The following SGMS1 variants were observed in gnomAD, a reference collection of about 807,000 sequenced individuals.
The protein encoded by SGMS1 is sphingomyelin synthase 1.
A neutral mutation model predicts 46.2 loss-of-function variants in SGMS1; 13 were observed. The ratio of observed to expected loss-of-function variants is 0.28; its 90% CI spans 0.18 to 0.45. The LOEUF (loss-of-function observed/expected upper bound fraction) is 0.45. Among genes scored for constraint, SGMS1 ranks in the 20% least tolerant of loss-of-function variants. SGMS1 has a pLI of 1.00. For synonymous variants in SGMS1, 203 were observed against 187.8 expected, an observed-to-expected ratio of 1.08 and a Z score of -0.66; for missense variants, 324 against 519.9, an observed-to-expected ratio of 0.62 and a Z score of 3.66.
chr10:50,342,765 C>A (rs1305221424), intron 7 of SGMS1: 1 of 152,182 alleles, frequency 6.6e-6, no homozygotes, highest in African/African-American at 2.4e-5. Flanking sequence ...ATGTAGGCAA[C>A]CCCAGTAAAC....
chr10:50,553,940 G>A (rs189016056), intron 2 of SGMS1, among the ~76,000 whole-genome samples: 98 of 152,264 alleles, frequency 6.4e-4, no homozygotes, highest in Non-Finnish European at 9.1e-4. Context: ...AAAGGCACAA[G>A]GCACCTGAAA....
chr10:50,507,280 C>G (rs1409794194), intron 3 of SGMS1, among the ~76,000 whole-genome samples: 1 of 152,160 alleles, frequency 6.6e-6, no homozygotes, highest in African/African-American at 2.4e-5. Context: ...TAGAGTTGAG[C>G]AAAAGCAAAA....
chr10:50,470,459 A>ACT (rs1837369075), intron 3 of SGMS1, among the ~76,000 whole-genome samples: 1 of 150,484 alleles, frequency 6.6e-6, no homozygotes, highest in African/African-American at 2.4e-5. Flanking sequence ...GAGAACCTTT[A>ACT]CTCTCTCTCA....
At chr10:50,505,700 T>G (rs1158168083) in intron 3 of SGMS1, among the ~76,000 whole-genome samples, 1 of 152,168 alleles carries the variant, frequency 6.6e-6, no homozygotes, top group Non-Finnish European at 1.5e-5. Context: ...GGAGTTCATA[T>G]GCAGCCAACA....
intron 5 of SGMS1, among the ~76,000 whole-genome samples, chr10:50,453,078 T>A (rs944075646): frequency 1.3e-5 from 2 of 152,034 alleles, no homozygotes; most frequent in African/African-American, 4.8e-5. Flanking sequence ...GGAAAATGAG[T>A]TCACAGTCAA....
chr10:50,382,171 T>C (rs528015114), intron 6 of SGMS1, among the ~76,000 whole-genome samples: 1 of 152,308 alleles, frequency 6.6e-6, no homozygotes, highest in Admixed American at 6.5e-5. Flanking sequence ...TTACATTTAA[T>C]TGACAGCTGA....
At chr10:50,542,167 C>G (rs893424863) in intron 2 of SGMS1, among the ~76,000 whole-genome samples, 1 of 152,216 alleles carries the variant, frequency 6.6e-6, no homozygotes, top group Non-Finnish European at 1.5e-5. Context: ...TGAACACAGT[C>G]ACACTCTGTG....
intron 6 of SGMS1, among the ~76,000 whole-genome samples, chr10:50,347,012 A>G (rs771117900): frequency 3.5e-4 from 53 of 152,128 alleles, no homozygotes; most frequent in Non-Finnish European, 6.8e-4. Context: ...CAGTCCATAT[A>G]ACAACCAATC....
At chr10:50,461,026 C>T (rs1037010442) in intron 4 of SGMS1, among the ~76,000 whole-genome samples, 1 of 151,962 alleles carries the variant, frequency 6.6e-6, no homozygotes, top group South Asian at 2.1e-4. Context: ...GTATTTTTTA[C>T]AGTAGTATAA....
intron 6 of SGMS1, among the ~76,000 whole-genome samples, chr10:50,393,006 A>AGGATGGTGGTGGG (rs1848797254): frequency 6.9e-6 from 1 of 144,532 alleles, no homozygotes; most frequent in Non-Finnish European, 1.5e-5. Flanking sequence ...TTTTTTTTTT[A>AGGATGGTGGTGGG]ATGAACCAAA....
At chr10:50,615,399 T>C (rs1441799473) in intron 1 of SGMS1, among the ~76,000 whole-genome samples, 1 of 152,212 alleles carries the variant, frequency 6.6e-6, no homozygotes, top group African/African-American at 2.4e-5. Context: ...CAGTACCTTA[T>C]AAATGTTAAT....
At chr10:50,354,423 C>T (rs1848096775) in intron 6 of SGMS1, among the ~76,000 whole-genome samples, 2 of 152,130 alleles carry the variant, frequency 1.3e-5, no homozygotes, top group South Asian at 2.1e-4. Flanking sequence ...TTCCTTAAAC[C>T]TTATACAAAA....
chr10:50,524,710 C>CA (rs767714570), intron 2 of SGMS1, among the ~76,000 whole-genome samples: 1 of 152,206 alleles, frequency 6.6e-6, no homozygotes, highest in Non-Finnish European at 1.5e-5. Context: ...GTCCCAATGT[C>CA]ACGCAGCTGG....
At chr10:50,458,636 G>A (rs1002150280) in intron 5 of SGMS1, among the ~76,000 whole-genome samples, 1 of 152,016 alleles carries the variant, frequency 6.6e-6, no homozygotes, top group African/African-American at 2.4e-5. Context: ...TGGGATTGCA[G>A]GCATGAGCCA....
chr10:50,406,134 T>C (rs1209038384), intron 6 of SGMS1, among the ~76,000 whole-genome samples: 1 of 152,188 alleles, frequency 6.6e-6, no homozygotes, highest in Non-Finnish European at 1.5e-5. Context: ...AGTTATCAAT[T>C]TACTGCCTCT....
intron 8 of SGMS1, among the ~76,000 whole-genome samples, chr10:50,322,838 C>CAAAAA (rs58049533): frequency 2.7e-4 from 14 of 51,304 alleles, no homozygotes; most frequent in East Asian, 5.2e-4. Context: ...GACTCCGTCT[C>CAAAAA]AAAAAAAAAA....
At chr10:50,399,574 A>G (rs1303969652) in intron 6 of SGMS1, among the ~76,000 whole-genome samples, 1 of 152,238 alleles carries the variant, frequency 6.6e-6, no homozygotes, top group Non-Finnish European at 1.5e-5. Context: ...GCTTAGCAGA[A>G]CAATGCACAC....
chr10:50,618,593 G>A (rs574389882), intron 1 of SGMS1, among the ~76,000 whole-genome samples: 9 of 152,262 alleles, frequency 5.9e-5, no homozygotes, highest in East Asian at 1.9e-4. Context: ...CCACTTTACA[G>A]CCACCAAACA....
chr10:50,312,025 G>A (rs1238370723), intron 8 of SGMS1, among the ~76,000 whole-genome samples: 1 of 152,042 alleles, frequency 6.6e-6, no homozygotes, highest in Admixed American at 6.6e-5. Flanking sequence ...TACAAGTCTG[G>A]GCTGGACACC....
Sources: gnomAD v4.1 joint callset for allele counts (sites outside exome capture counted in the v4.1 genomes callset) on GRCh38, gnomAD v4.1.1 for gene constraint, MANE v1.5 for transcripts, NCBI Gene and HGNC (gene_info 2026-07-23, HGNC 2026-07-21) for gene names.